Variants in PTER observed in about 807,000 individuals in gnomAD.
PTER encodes N-acetyltaurine hydrolase.
In PTER, 38 loss-of-function variants were observed where a neutral mutation model predicts 29.6. That is an observed-to-expected ratio of 1.28 (90% confidence interval 0.99 to 1.68). The LOEUF is 1.68. Among genes scored for constraint, PTER ranks in the 40% most tolerant of loss-of-function variants. The probability of loss-of-function intolerance (pLI) is 0.00; values close to 1 mark genes in which losing one functional copy is unlikely to be tolerated. For missense variants in PTER, 482 were observed against 427.8 expected, an observed-to-expected ratio of 1.13 and a Z score of -1.12; for synonymous variants, 172 against 154.5, an observed-to-expected ratio of 1.11 and a Z score of -0.84.
At chr10:16,486,315 C>T (rs746812683) in intron 2 of PTER, 37 bp from the exon 3 acceptor site, 2 of 1,551,080 alleles carry the variant, frequency 1.3e-6, no homozygotes, top group Non-Finnish European at 1.7e-6. Flanking sequence ...ATAAATTTCA[C>T]AACCTATAAA....
At chr10:16,473,519 GAAAAAAAAAA>G (rs72001271) in intron 1 of PTER, among the ~76,000 whole-genome samples, 32 of 28,158 alleles carry the variant, frequency 1.1e-3, no homozygotes, top group African/African-American at 3.7e-3. Context: ...GACTCCATCC[GAAAAAAAAAA>G]AAAAAAAAAA....
intron 3 of PTER, among the ~76,000 whole-genome samples, chr10:16,492,672 G>A (rs1393564058): frequency 6.6e-6 from 1 of 152,226 alleles, no homozygotes; most frequent in East Asian, 1.9e-4. Context: ...GAAACAGACA[G>A]GTGCTGTGTG....
chr10:16,475,911 T>G (rs1294886390), intron 1 of PTER: 2 of 152,206 alleles, frequency 1.3e-5, no homozygotes, highest in African/African-American at 2.4e-5. Context: ...ATTGCTAATT[T>G]TTTTGAAAGA....
At chr10:16,440,417 G>GA (rs1833807043) in intron 1 of PTER, among the ~76,000 whole-genome samples, 1 of 151,968 alleles carries the variant, frequency 6.6e-6, no homozygotes, top group African/African-American at 2.4e-5. Context: ...AAAAGAAAAA[G>GA]AAAAAAGAAT....
At chr10:16,459,122 T>C (rs940101223) in intron 1 of PTER, among the ~76,000 whole-genome samples, 2 of 152,190 alleles carry the variant, frequency 1.3e-5, no homozygotes, top group Non-Finnish European at 1.5e-5. Context: ...ATCAATGTAT[T>C]TTTCTTCAAA....
At chr10:16,501,985 C>T (rs1471306740) in intron 3 of PTER, among the ~76,000 whole-genome samples, 2 of 152,138 alleles carry the variant, frequency 1.3e-5, no homozygotes, top group African/African-American at 4.8e-5. Context: ...TGCTAAGTGA[C>T]TTTACTTTTT....
At chr10:16,459,719 CAG>C (rs1480921434) in intron 1 of PTER, among the ~76,000 whole-genome samples, 2 of 149,910 alleles carry the variant, frequency 1.3e-5, no homozygotes, top group African/African-American at 4.9e-5. Context: ...CTGTATATTT[CAG>C]AGTTATTTAT....
intron 4 of PTER, among the ~76,000 whole-genome samples, chr10:16,508,113 G>C (rs1201902071): frequency 7.3e-6 from 1 of 136,336 alleles, no homozygotes; most frequent in Non-Finnish European, 1.5e-5. Flanking sequence ...CTGTCGCCCA[G>C]GCAGGAGCGC....
intron 1 of PTER, among the ~76,000 whole-genome samples, chr10:16,454,470 G>C (rs1185453138): frequency 6.6e-6 from 1 of 151,884 alleles, no homozygotes; most frequent in African/African-American, 2.4e-5. Context: ...CAGATACTTA[G>C]GAGGCTGAGA....
chr10:16,511,190 C>T lies in PTER; in HGVS notation c.984C>T (p.Gly328=), dbSNP rs368184626. The T allele has an allele frequency of 1.2e-6, 2 of 1,613,924 alleles. No homozygotes were observed. The highest frequency in any genetic ancestry group is 2.7e-5 in the African/African-American group (2 of 74,916). ...TTGTTCCTAAAATGTTGCTGAGAGG[C>T]ATAACTGAGAATGTGCTTGATAAGA... The part of the protein sequence containing the change: ...TNVVPKMLLR[G]ITENVLDKIL... The change falls in exon 5 of 5, where the codon GGC becomes GGT. Residue 328 remains glycine, a synonymous_variant. Coordinates refer to ENST00000535784, the MANE Select transcript of PTER (RefSeq NM_001261836.2).
chr10:16,488,851 G>A (rs921191994), intron 3 of PTER, among the ~76,000 whole-genome samples: 11 of 152,132 alleles, frequency 7.2e-5, no homozygotes, highest in Non-Finnish European at 1.3e-4. Context: ...CAAGTCACTC[G>A]TCTTGGCCTC....
chr10:16,514,184 G>A (rs2133535184), downstream of PTER: 1 of 400,092 alleles, frequency 2.5e-6, no homozygotes, highest in East Asian at 3.6e-5. Flanking sequence ...AAAGCAGCAA[G>A]ATCACAGTAC....
chr10:16,451,196 T>C (rs906565020), intron 1 of PTER, among the ~76,000 whole-genome samples: 1 of 103,274 alleles, frequency 9.7e-6, no homozygotes, highest in Non-Finnish European at 1.8e-5. Context: ...TCAGCAAGCC[T>C]GCTCTGTCAT....
chr10:16,444,582 G>A (rs1400743145), intron 1 of PTER, among the ~76,000 whole-genome samples: 3 of 151,544 alleles, frequency 2.0e-5, no homozygotes, highest in Non-Finnish European at 4.4e-5. Flanking sequence ...TTTTAGAGAT[G>A]GGGTCTCACT....
chr10:16,453,648 T>C (rs1050010090), intron 1 of PTER, among the ~76,000 whole-genome samples: 2 of 152,238 alleles, frequency 1.3e-5, no homozygotes, highest in African/African-American at 4.8e-5. Flanking sequence ...TATAGTAAAG[T>C]AAATACTGGA....
intron 1 of PTER, among the ~76,000 whole-genome samples, chr10:16,444,290 G>T (rs1833945592): frequency 6.6e-6 from 1 of 152,004 alleles, no homozygotes; most frequent in Admixed American, 6.6e-5. Context: ...ACCGCACCCG[G>T]CCTCTTTTCT....
At chr10:16,445,301 A>T (rs980313503) in intron 1 of PTER, among the ~76,000 whole-genome samples, 10 of 152,092 alleles carry the variant, frequency 6.6e-5, no homozygotes, top group Admixed American at 6.6e-4. Flanking sequence ...AATCACAGCT[A>T]CTCAGGAGGC....
At chr10:16,451,313 C>A (rs1206593741) in intron 1 of PTER, among the ~76,000 whole-genome samples, 1 of 152,224 alleles carries the variant, frequency 6.6e-6, no homozygotes, top group East Asian at 1.9e-4. Context: ...AAATGTTAAT[C>A]TTTGCCAACA....
chr10:16,508,968 G>A (rs948909861), intron 4 of PTER, among the ~76,000 whole-genome samples: 2 of 152,208 alleles, frequency 1.3e-5, no homozygotes, highest in Non-Finnish European at 2.9e-5. Flanking sequence ...CTGGTGTTCA[G>A]CACCAGAAAT....
Sources: gnomAD v4.1 joint callset for allele counts (sites outside exome capture counted in the v4.1 genomes callset) on GRCh38, gnomAD v4.1.1 for gene constraint, MANE v1.5 for transcripts, NCBI Gene and HGNC (gene_info 2026-07-23, HGNC 2026-07-21) for gene names.